FARP2: variants seen among roughly 807,000 people sequenced by gnomAD.
The protein encoded by FARP2 is FERM, ARH/RhoGEF and pleckstrin domain protein 2, also known as FERM, ARHGEF and pleckstrin domain-containing protein 2.
Under a neutral mutation model 130.5 loss-of-function variants are expected in FARP2, and 111 were observed. The observed-to-expected ratio is 0.85, with a 90% confidence interval of 0.73 to 1.00. The LOEUF is 1.00. Among genes scored for constraint, FARP2 ranks in the 50% least tolerant of loss-of-function variants. The pLI, the probability that FARP2 is intolerant of heterozygous loss-of-function variation, is 0.00. For missense variants in FARP2, 1,385 were observed against 1,346.3 expected (o/e 1.03, Z -0.45); for synonymous variants, 504 against 516.9 (o/e 0.98, Z 0.34).
intron 2 of FARP2, among the ~76,000 whole-genome samples, chr2:241,394,948 C>T (rs1219067638): frequency 6.6e-6 from 1 of 152,234 alleles, no homozygotes; most frequent in Non-Finnish European, 1.5e-5. Context: ...TGGTGATGCT[C>T]ACACTGTTCT....
rs905147020 is a variant in FARP2, at chr2:241,477,788, T to G, written c.2262+1801T>G. Reference sequence around the variant, plus strand: ...GTAATGCTGTCTTGTGTGGTTACAATTTGTATTTCCCTGATAGCTAATGAT... The same window carrying G: ...GTAATGCTGTCTTGTGTGGTTACAAGTTGTATTTCCCTGATAGCTAATGAT... On this transcript the variant is annotated intron_variant, in intron 19 of 26. Coordinates refer to ENST00000264042, the MANE Select transcript of FARP2 (RefSeq NM_014808.4). The G allele has an allele frequency of 5.9e-5, 9 of 152,506 alleles. No homozygotes were observed. The East Asian group carries it at 1.5e-3, about 26-fold the overall frequency. 9.4% of individuals were successfully genotyped at this position (152,506 alleles called of 1,614,324 possible).
intron 2 of FARP2, among the ~76,000 whole-genome samples, chr2:241,387,619 C>T (rs1437926488): frequency 6.6e-6 from 1 of 151,842 alleles, no homozygotes; most frequent in East Asian, 1.9e-4. Context: ...CGGTGAAACC[C>T]CGTCTCTACT....
chr2:241,450,324 C>T (rs550828850), intron 13 of FARP2, among the ~76,000 whole-genome samples: 3 of 151,272 alleles, frequency 2.0e-5, no homozygotes, highest in Admixed American at 6.6e-5. Context: ...GATTGTGGCA[C>T]TCCACTCCAG....
At chr2:241,472,955 C>T (rs1205895171) in intron 18 of FARP2, among the ~76,000 whole-genome samples, 1 of 150,370 alleles carries the variant, frequency 6.7e-6, no homozygotes, top group African/African-American at 2.5e-5. Flanking sequence ...TCTGAGAGGA[C>T]CCTGTTCTGA....
chr2:241,475,040 T>A lies in FARP2; in HGVS notation c.2132-817T>A, dbSNP rs1466536432. On this transcript the variant is annotated intron_variant, in intron 18 of 26. Transcript: ENST00000264042. This position sits in a 1 kb window ranked among gnomAD's most constrained non-coding sequence, Gnocchi z 4.4. The stretch of plus-strand genomic sequence containing the variant: ...TGTCCAGATTATAAACTTTCTCTTA[T>A]CTTTGCTTGAACTATAAGATTAGCA... 6.6e-6 allele frequency among the ~76,000 whole-genome samples: 1 copy of A among 152,206 alleles called. No individual in the cohort carries two copies. Among genetic ancestry groups the A allele is most frequent in the East Asian group, 1.9e-4 (1 of 5,198 alleles).
chr2:241,437,271 C>G (rs529070533), intron 12 of FARP2, among the ~76,000 whole-genome samples: 1 of 152,228 alleles, frequency 6.6e-6, no homozygotes, highest in African/African-American at 2.4e-5. Context: ...AAAGATACAC[C>G]AACTCACACA....
chr2:241,483,907 G>C (rs2064688842), intron 20 of FARP2: 2 of 985,342 alleles, frequency 2.0e-6, no homozygotes, highest in Non-Finnish European at 1.2e-6. Context: ...GCCCCTCCCA[G>C]CATGTCCTTG....
In FARP2 at chr2:241,468,434, G is replaced by A. The variant is rs2064230439; in HGVS notation, c.2131+57G>A. On this transcript the variant is annotated intron_variant, in intron 18 of 26. Coordinates refer to ENST00000264042, the MANE Select transcript of FARP2 (RefSeq NM_014808.4). The stretch of plus-strand genomic sequence containing the variant: ...ATCAGCGTGCGTGGCTGGGAGGCAG[G>A]GGCGGCTTTGCCAGACCTGAAGACT... 2.5e-5 allele frequency: 35 copies of A among 1,397,484 alleles called. No individual in the cohort carries two copies. In the South Asian group the frequency reaches 3.5e-4, roughly 14 times the overall value. 86.6% of individuals were successfully genotyped at this position (1,397,484 alleles called of 1,614,324 possible). A position where few individuals can be genotyped will look rare whatever the true frequency, so the allele number is the denominator to read the frequency against.
chr2:241,466,812 C>G (rs905798129), intron 17 of FARP2, among the ~76,000 whole-genome samples: 5 of 152,064 alleles, frequency 3.3e-5, no homozygotes, highest in Non-Finnish European at 2.9e-5. Flanking sequence ...TTTTTAACCC[C>G]TAAATATGTA....
At chr2:241,486,139 T>C (rs1234047523) in intron 21 of FARP2, among the ~76,000 whole-genome samples, 3 of 152,092 alleles carry the variant, frequency 2.0e-5, no homozygotes, top group Non-Finnish European at 1.5e-5. Context: ...TAATTGAAAG[T>C]ATAAGACAGA....
chr2:241,397,392 G>T (rs1575503359), intron 2 of FARP2, among the ~76,000 whole-genome samples: 2 of 152,132 alleles, frequency 1.3e-5, no homozygotes, highest in East Asian at 3.8e-4. Flanking sequence ...AGTCCCCTTA[G>T]AAAATTTGTT....
At chr2:241,365,675 G>A (rs1167633858) in intron 1 of FARP2, among the ~76,000 whole-genome samples, 1 of 151,956 alleles carries the variant, frequency 6.6e-6, no homozygotes, top group Non-Finnish European at 1.5e-5. Context: ...TTATTCCTTA[G>A]GATATATTTT....
chr2:241,384,533 A>G (rs913997265), intron 2 of FARP2, among the ~76,000 whole-genome samples: 3 of 152,216 alleles, frequency 2.0e-5, no homozygotes, highest in Non-Finnish European at 4.4e-5. Flanking sequence ...TCAATCTAAA[A>G]TATATTTCTT....
chr2:241,360,448 G>A (rs1387728774), intron 1 of FARP2, among the ~76,000 whole-genome samples: 2 of 152,118 alleles, frequency 1.3e-5, no homozygotes, highest in Non-Finnish European at 2.9e-5. Context: ...AGAGGCAGGT[G>A]GATCACAAGG....
At chr2:241,481,985 A>G (rs984110948) in intron 19 of FARP2, among the ~76,000 whole-genome samples, 65 of 152,182 alleles carry the variant, frequency 4.3e-4, no homozygotes, top group African/African-American at 1.6e-3. Context: ...TTATTAGTCA[A>G]AATCTCTAAA....
Position 241,475,286 on chromosome 2 carries a change from G to C in FARP2, c.2132-571G>C, listed in dbSNP as rs1188713935. 6.6e-6 allele frequency among the ~76,000 whole-genome samples: 1 copy of C among 152,224 alleles called. No homozygotes were observed. Among genetic ancestry groups the C allele is most frequent in the Non-Finnish European group, 1.5e-5 (1 of 68,038 alleles). On this transcript the variant is annotated intron_variant, in intron 18 of 26. Transcript: ENST00000264042. This position sits in a 1 kb window ranked among gnomAD's most constrained non-coding sequence, Gnocchi z 4.4. ...GGCCTCAGGGGTATCTGCAGGAGCA[G>C]GCGCCTGGTGGCTGCACATAGTAGG...
intron 21 of FARP2, among the ~76,000 whole-genome samples, chr2:241,485,949 GCCT>G (rs1193800592): frequency 1.3e-5 from 2 of 152,164 alleles, no homozygotes; most frequent in African/African-American, 2.4e-5. Flanking sequence ...CCTCTGCACT[GCCT>G]CCTCCTGACA....
intron 8 of FARP2, among the ~76,000 whole-genome samples, chr2:241,421,359 A>G (rs565057068): frequency 1.3e-5 from 2 of 152,312 alleles, no homozygotes; most frequent in South Asian, 2.1e-4. Context: ...AGGAGGCTGA[A>G]TCCAAGGAGC....
At chr2:241,399,140 G>C (rs747885310) in intron 2 of FARP2, among the ~76,000 whole-genome samples, 1 of 152,184 alleles carries the variant, frequency 6.6e-6, no homozygotes, top group Non-Finnish European at 1.5e-5. Flanking sequence ...GCATTTCCTT[G>C]ATGTAATATT....
Sources: allele counts gnomAD v4.1 joint callset (sites outside exome capture counted in the v4.1 genomes callset), GRCh38; gene constraint gnomAD v4.1.1; non-coding constraint Gnocchi (gnomAD v3.1); transcripts MANE v1.5; gene names NCBI Gene and HGNC (gene_info 2026-07-23, HGNC 2026-07-21).